PRKAG2: variants seen among roughly 807,000 people sequenced by gnomAD.
The protein encoded by PRKAG2 is protein kinase AMP-activated non-catalytic subunit gamma 2, also known as 5'-AMP-activated protein kinase subunit gamma-2.
Under a neutral mutation model 69.6 loss-of-function variants are expected in PRKAG2, and 26 were observed. The observed-to-expected ratio is 0.37, with a 90% CI of 0.27 to 0.52. PRKAG2 has a LOEUF of 0.52. Ranked by LOEUF, PRKAG2 falls within the 20% of genes least tolerant of loss-of-function variation. PRKAG2 has a pLI of 0.90. For synonymous variants in PRKAG2, 293 were observed against 285.0 expected (o/e 1.03, Z -0.28); for missense variants, 557 against 740.0 (o/e 0.75, Z 2.87).
intron 4 of PRKAG2, among the ~76,000 whole-genome samples, chr7:151,654,913 G>C (rs570955613): frequency 3.5e-4 from 53 of 152,254 alleles, no homozygotes; most frequent in Non-Finnish European, 6.5e-4. Flanking sequence ...GGCTGGTCTC[G>C]AAATCCTGGC....
chr7:151,849,025 C>T lies in PRKAG2; in HGVS notation c.114+27482G>A, dbSNP rs374151925. Among the ~76,000 whole-genome samples, 522 of 152,306 alleles carry T rather than the reference C, an allele frequency of 3.4e-3. 2 individuals are homozygous for T. Among genetic ancestry groups the T allele is most frequent in the African/African-American group, 0.012 (500 of 41,568 alleles). On this transcript the variant is annotated intron_variant, in intron 1 of 15. Coordinates refer to ENST00000287878, the MANE Select transcript of PRKAG2 (RefSeq NM_016203.4). ...GGCCCAGGACCTGGGTACTGCTCCA[C>T]GGTTCCTCTCCCAATGGCTCCTGCA...
In PRKAG2 at chr7:151,832,260, GA is replaced by G. The variant is rs1270568383; in HGVS notation, c.114+44246del. On this transcript the variant is annotated intron_variant, in intron 1 of 15. Transcript: ENST00000287878. ...AGGAGGAGGGAAGGAAGGGAGGAGG[GA>G]AGGAAGGGAGGAGGGAAGGAAGGGA... Among the ~76,000 whole-genome samples the G allele has an allele frequency of 2.2e-3, 272 of 124,840 alleles. 4 individuals are homozygous for G. The highest frequency in any genetic ancestry group is 9.0e-3 in the African/African-American group (239 of 26,438). 81.9% of individuals were successfully genotyped at this position (124,840 alleles called of 152,430 possible).
Position 151,763,803 on chromosome 7 carries a change from G to A in PRKAG2, c.466+17349C>T, listed in dbSNP as rs73728285. Among the ~76,000 whole-genome samples, 255 of 152,324 alleles carry A rather than the reference G, an allele frequency of 1.7e-3. 1 individual carries two copies. Among genetic ancestry groups the A allele is most frequent in the African/African-American group, 5.7e-3 (238 of 41,568 alleles). On this transcript the variant is annotated intron_variant, in intron 3 of 15. Transcript: ENST00000287878. ...TGCCGTGCCTGGTCTGGCTGATGCCGTCCAGGGCTATAGCTGCTGCCTGTG... is the reference window on the plus strand; with the variant it reads ...TGCCGTGCCTGGTCTGGCTGATGCCATCCAGGGCTATAGCTGCTGCCTGTG...
chr7:151,572,901 T>C (rs937896353), intron 8 of PRKAG2, among the ~76,000 whole-genome samples, 192 bp from the exon 9 acceptor site: 5 of 152,042 alleles, frequency 3.3e-5, no homozygotes, highest in African/African-American at 1.2e-4. Context: ...TCACCTGAGG[T>C]CAGGAGTTTG....
chr7:151,769,787 G>A (rs7801148), intron 3 of PRKAG2, among the ~76,000 whole-genome samples: 233 of 152,314 alleles, frequency 1.5e-3, no homozygotes, highest in Middle Eastern at 6.8e-3. Context: ...CACTGCTTGC[G>A]GGGCTGGGGT....
rs955301533 is a variant in PRKAG2 at position 151,699,136 on chromosome 7, C to T, written c.467-23499G>A. ...CAATGCCCTTAGGCCACCTTTCCTT[C>T]TCTGACCTCTGTCCCCATCCCTGCC... On this transcript the variant is annotated intron_variant, in intron 3 of 15. Transcript: ENST00000287878. The surrounding 1 kb of genome is among the most constrained non-coding windows in gnomAD (Gnocchi z 4.5). 6.7e-6 allele frequency among the ~76,000 whole-genome samples: 1 copy of T among 149,890 alleles called. No homozygotes were observed. The highest frequency in any genetic ancestry group is 2.4e-5 in the African/African-American group (1 of 40,966).
intron 5 of PRKAG2, among the ~76,000 whole-genome samples, chr7:151,610,417 G>A (rs1457143652): frequency 7.7e-5 from 11 of 143,556 alleles, no homozygotes; most frequent in South Asian, 6.6e-4. Flanking sequence ...GGTGGCTTAC[G>A]GCTGTAATCC....
intron 3 of PRKAG2, among the ~76,000 whole-genome samples, chr7:151,761,503 C>T (rs976189682): frequency 1.3e-5 from 2 of 152,174 alleles, no homozygotes; most frequent in Non-Finnish European, 2.9e-5. Context: ...TGTGGCCCCA[C>T]CCAGAGGAGG....
At chr7:151,598,642 A>G (rs1815227703) in intron 5 of PRKAG2, among the ~76,000 whole-genome samples, 1 of 152,214 alleles carries the variant, frequency 6.6e-6, no homozygotes. Context: ...TAGAAAAAAA[A>G]GGCTACTATA....
At chr7:151,703,910 A>ACACACACACG (rs1563476684) in intron 3 of PRKAG2, among the ~76,000 whole-genome samples, 3 of 135,070 alleles carry the variant, frequency 2.2e-5, no homozygotes. Flanking sequence ...ACACACACAC[A>ACACACACACG]AATTAGCTAG....
chr7:151,774,885 A>G (rs2076259707), intron 3 of PRKAG2, among the ~76,000 whole-genome samples: 1 of 152,238 alleles, frequency 6.6e-6, no homozygotes, highest in Non-Finnish European at 1.5e-5. Context: ...GGAGCCTGTC[A>G]ACACTTTAGA....
chr7:151,750,603 G>A (rs2074601809), intron 3 of PRKAG2, among the ~76,000 whole-genome samples: 1 of 152,156 alleles, frequency 6.6e-6, no homozygotes, highest in Non-Finnish European at 1.5e-5. Flanking sequence ...TGTGGGAAGG[G>A]GTAATGGAGA....
At chr7:151,740,811 G>C (rs377225425) in intron 3 of PRKAG2, among the ~76,000 whole-genome samples, 2 of 152,134 alleles carry the variant, frequency 1.3e-5, no homozygotes, top group Non-Finnish European at 2.9e-5. Flanking sequence ...TGAAGAAGAG[G>C]GGGGAACCCA....
At chr7:151,844,939 G>A (rs61243831) in intron 1 of PRKAG2, among the ~76,000 whole-genome samples, 5 of 151,872 alleles carry the variant, frequency 3.3e-5, no homozygotes, top group African/African-American at 7.3e-5. Flanking sequence ...TCCCCAGCCC[G>A]GCAAACCTCC....
intron 1 of PRKAG2, among the ~76,000 whole-genome samples, chr7:151,875,616 C>T (rs2080375107): frequency 1.0e-5 from 1 of 95,782 alleles, no homozygotes; most frequent in Admixed American, 1.0e-4. Flanking sequence ...TGTGTGTGTA[C>T]ACAAACATTT....
At chr7:151,679,147 G>T (rs1458418355) in intron 3 of PRKAG2, among the ~76,000 whole-genome samples, 1 of 152,054 alleles carries the variant, frequency 6.6e-6, no homozygotes, top group Non-Finnish European at 1.5e-5. Context: ...AAGGGCTGCC[G>T]GCCCATCCGG....
chr7:151,829,124 T>C (rs1024127373), intron 1 of PRKAG2, among the ~76,000 whole-genome samples: 1 of 152,196 alleles, frequency 6.6e-6, no homozygotes, highest in African/African-American at 2.4e-5. Flanking sequence ...ATGAATCATA[T>C]ATCTGATAGG....
intron 2 of PRKAG2, among the ~76,000 whole-genome samples, chr7:151,783,859 A>C (rs1281255747): frequency 6.7e-6 from 1 of 148,516 alleles, no homozygotes; most frequent in African/African-American, 2.5e-5. Context: ...TGCAGTGAGC[A>C]AGGTGACACT....
intron 3 of PRKAG2, among the ~76,000 whole-genome samples, chr7:151,775,107 C>T (rs576602851): frequency 1.2e-4 from 18 of 152,332 alleles, no homozygotes; most frequent in African/African-American, 3.1e-4. Context: ...CGTTGGGCCA[C>T]GTGTGATGAG....
Sources: allele counts gnomAD v4.1 joint callset (sites outside exome capture counted in the v4.1 genomes callset), GRCh38; gene constraint gnomAD v4.1.1; non-coding constraint Gnocchi (gnomAD v3.1); transcripts MANE v1.5; gene names NCBI Gene and HGNC (gene_info 2026-07-23, HGNC 2026-07-21).